The following TMEM68 variants were observed in gnomAD, a reference collection of about 807,000 sequenced individuals.
TMEM68 encodes the protein DGAT1/2-independent enzyme synthesizing storage lipids.
In TMEM68, 25 loss-of-function variants were observed where a neutral mutation model predicts 36.9. The ratio of observed to expected loss-of-function variants is 0.68; its 90% CI spans 0.49 to 0.95. The LOEUF is 0.95. Among genes scored for constraint, TMEM68 ranks in the 40% least tolerant of loss-of-function variants. The probability of loss-of-function intolerance (pLI) is 0.00; values close to 1 mark genes in which losing one functional copy is unlikely to be tolerated. For synonymous variants in TMEM68, 131 were observed against 124.4 expected (o/e 1.05, Z -0.35); for missense variants, 333 against 392.0 (o/e 0.85, Z 1.27).
At chr8:55,769,548 G>C (rs1253974274) in intron 1 of TMEM68, among the ~76,000 whole-genome samples, 1 of 151,878 alleles carries the variant, frequency 6.6e-6, no homozygotes, top group Non-Finnish European at 1.5e-5. Context: ...AGTTATCTAA[G>C]AAAACATACG....
At chr8:55,742,750 G>T (rs1295170960) in intron 7 of TMEM68, among the ~76,000 whole-genome samples, 1 of 150,852 alleles carries the variant, frequency 6.6e-6, no homozygotes, top group Non-Finnish European at 1.5e-5. Flanking sequence ...AACATTTATT[G>T]CATTTAACAA....
intron 5 of TMEM68, among the ~76,000 whole-genome samples, chr8:55,749,225 G>C (rs549405481): frequency 5.3e-5 from 8 of 152,210 alleles, no homozygotes; most frequent in African/African-American, 1.9e-4. Flanking sequence ...TCACAAACCA[G>C]GGTGATTTGT....
chr8:55,755,972 T>C (rs541451754), intron 4 of TMEM68, among the ~76,000 whole-genome samples: 2 of 151,984 alleles, frequency 1.3e-5, no homozygotes, highest in African/African-American at 4.8e-5. Flanking sequence ...TTGTATGCCA[T>C]AAATACAATT....
intron 1 of TMEM68, among the ~76,000 whole-genome samples, chr8:55,767,305 C>CA (rs1415019763): frequency 2.6e-5 from 4 of 152,056 alleles, no homozygotes; most frequent in African/African-American, 9.7e-5. Flanking sequence ...AGCATCTAAG[C>CA]ATAGTTAATG....
At position 55,751,453 on chromosome 8, in the gene TMEM68, A is replaced by G. The variant is rs1409942245; in HGVS notation, c.494-296T>C. On this transcript the variant is annotated intron_variant, in intron 4 of 7. Transcript: ENST00000434581. Reference sequence around the variant, plus strand: ...TAGCTTGCTCAAAGTCACACATCTAAGAAGTGGCAGGGCAGAGATTCCAGA... The same window carrying G: ...TAGCTTGCTCAAAGTCACACATCTAGGAAGTGGCAGGGCAGAGATTCCAGA... 3 of 429,928 alleles carry G rather than the reference A, an allele frequency of 7.0e-6. No homozygotes were observed. In the East Asian group the frequency reaches 1.9e-4, roughly 28 times the overall value. 26.6% of individuals were successfully genotyped at this position (429,928 alleles called of 1,614,324 possible). A position where few individuals can be genotyped will look rare whatever the true frequency, so the allele number is the denominator to read the frequency against.
chr8:55,746,663 A>C (rs1222677297), intron 5 of TMEM68: 1 of 152,186 alleles, frequency 6.6e-6, no homozygotes, highest in Admixed American at 6.5e-5. Flanking sequence ...TTAATAGGTG[A>C]GATATTTAAA....
At chr8:55,765,554 T>A (rs960487218) in intron 1 of TMEM68, among the ~76,000 whole-genome samples, 2 of 152,246 alleles carry the variant, frequency 1.3e-5, no homozygotes, top group African/African-American at 4.8e-5. Flanking sequence ...TGTTACATGT[T>A]TGCTATCGCT....
intron 7 of TMEM68, among the ~76,000 whole-genome samples, chr8:55,741,284 T>C (rs748831998): frequency 2.6e-5 from 4 of 152,100 alleles, no homozygotes; most frequent in Non-Finnish European, 4.4e-5. Context: ...TTCATACCTG[T>C]AAAATGAGAA....
chr8:55,766,725 T>G (rs1810974001), intron 1 of TMEM68, among the ~76,000 whole-genome samples: 1 of 152,136 alleles, frequency 6.6e-6, no homozygotes, highest in Non-Finnish European at 1.5e-5. Flanking sequence ...CAGAGGGCAC[T>G]GAGCAGAAGG....
At position 55,743,478 on chromosome 8, in the gene TMEM68, TAC is replaced by T; in HGVS notation, c.888+1_888+2del. ...TAAAACTAAAAAAGAAAAAGCAATT[TAC>T]CTTTTCAGCTAATTCTTCCGCTGTT... On this transcript the variant is annotated splice_donor_variant, in intron 7 of 7. Coordinates refer to ENST00000434581, the MANE Select transcript of TMEM68 (RefSeq NM_001286657.2). LOFTEE classifies it high-confidence loss of function. 1 of 1,520,524 alleles carries T rather than the reference TAC, an allele frequency of 6.6e-7. No individual in the cohort carries two copies. Among genetic ancestry groups the T allele is most frequent in the Non-Finnish European group, 8.7e-7 (1 of 1,142,994 alleles). The allele number at this position is 1,520,524 out of a possible 1,614,324, so 94.2% of individuals were successfully genotyped here.
At chr8:55,764,317 A>G (rs1810898584) in intron 1 of TMEM68, among the ~76,000 whole-genome samples, 1 of 152,256 alleles carries the variant, frequency 6.6e-6, no homozygotes, top group South Asian at 2.1e-4. Flanking sequence ...ACTTTGCCAG[A>G]TAACCTGAAG....
At chr8:55,751,589 C>T (rs1263957610) in intron 4 of TMEM68, 7 of 390,728 alleles carry the variant, frequency 1.8e-5, no homozygotes, top group South Asian at 3.8e-5. Flanking sequence ...AATCAAACTA[C>T]GCTTAGCTCT....
At chr8:55,771,503 G>T (rs1333628127) in intron 1 of TMEM68, among the ~76,000 whole-genome samples, 1 of 152,032 alleles carries the variant, frequency 6.6e-6, no homozygotes, top group Non-Finnish European at 1.5e-5. Flanking sequence ...TGTAGCCCCA[G>T]CTACTCGGGG....
intron 4 of TMEM68, among the ~76,000 whole-genome samples, chr8:55,754,936 TATATTTATACACACACACAC>T (rs199920850): frequency 0.012 from 544 of 44,422 alleles, 4 homozygotes; most frequent in Admixed American, 0.032. Flanking sequence ...TATATTTATA[TATATTTATACACACACACAC>T]ACACACACAC....
rs561099929 is a variant in TMEM68 at position 55,766,371 on chromosome 8, C to T, written c.-114-2391G>A. Among the ~76,000 whole-genome samples, 25 of 144,004 alleles carry T rather than the reference C, an allele frequency of 1.7e-4. 1 individual carries two copies. Among genetic ancestry groups the T allele is most frequent in the Non-Finnish European group, 2.6e-4 (17 of 66,260 alleles). The allele number at this position is 144,004 out of a possible 152,430, so 94.5% of individuals were successfully genotyped here. ...GCAACACTGTAGAGCTTTCTATGCACGCTTTTTTTTTTTTTTTTTTTTTGA... is the reference window on the plus strand; with the variant it reads ...GCAACACTGTAGAGCTTTCTATGCATGCTTTTTTTTTTTTTTTTTTTTTGA... On this transcript the variant is annotated intron_variant, in intron 1 of 7. Coordinates refer to ENST00000434581, the MANE Select transcript of TMEM68 (RefSeq NM_001286657.2).
chr8:55,771,924 C>G (rs1005383241), intron 1 of TMEM68, among the ~76,000 whole-genome samples: 1 of 152,086 alleles, frequency 6.6e-6, no homozygotes, highest in Non-Finnish European at 1.5e-5. Context: ...TTTTTTATTT[C>G]AAGCTTTAAA....
At position 55,773,331 on chromosome 8, in the gene TMEM68, G is replaced by C. The variant is rs1161468762; in HGVS notation, c.-177C>G. 3.3e-6 allele frequency: 1 copy of C among 300,128 alleles called. No homozygotes were observed. The highest frequency in any genetic ancestry group is 6.2e-6 in the Non-Finnish European group (1 of 160,732). 18.6% of individuals were successfully genotyped at this position (300,128 alleles called of 1,614,324 possible). On this transcript the variant is annotated 5_prime_UTR_variant, in exon 1 of 8. Transcript: ENST00000434581. ...GCCAAGGGGGCGGACAGATTTGCAC[G>C]GCGGATTCCTCCGAAGCAACCCGTG...
At chr8:55,769,866 C>T (rs1402651025) in intron 1 of TMEM68, among the ~76,000 whole-genome samples, 1 of 152,196 alleles carries the variant, frequency 6.6e-6, no homozygotes, top group Non-Finnish European at 1.5e-5. Flanking sequence ...CTCCTGGCCT[C>T]AAGTGATCCG....
intron 4 of TMEM68, among the ~76,000 whole-genome samples, chr8:55,754,787 TAA>T (rs1810542597): frequency 2.3e-5 from 1 of 43,962 alleles, no homozygotes; most frequent in Non-Finnish European, 4.6e-5. Flanking sequence ...ATATTATATA[TAA>T]AATACATATA....
Sources: allele counts gnomAD v4.1 joint callset (sites outside exome capture counted in the v4.1 genomes callset), GRCh38; gene constraint gnomAD v4.1.1; transcripts MANE v1.5; gene names NCBI Gene and HGNC (gene_info 2026-07-23, HGNC 2026-07-21).